Variants in NUDT3 observed in about 807,000 individuals in gnomAD.
NUDT3 encodes the protein nudix hydrolase 3.
NUDT3 carries 9 observed loss-of-function variants against 23.6 expected under a neutral mutation model. That is an observed-to-expected ratio of 0.38 (90% CI 0.23 to 0.66). The LOEUF (loss-of-function observed/expected upper bound fraction) is 0.66, where lower values mean the gene tolerates loss of function less well. Ranked by LOEUF, NUDT3 falls within the 30% of genes least tolerant of loss-of-function variation. The probability of loss-of-function intolerance (pLI) is 0.52; values close to 1 mark genes in which losing one functional copy is unlikely to be tolerated. For missense variants in NUDT3, 172 were observed against 218.5 expected (o/e 0.79, Z 1.34); for synonymous variants, 86 against 82.6 (o/e 1.04, Z -0.22).
At chr6:34,349,147 T>G (rs2113741191) in intron 1 of NUDT3, among the ~76,000 whole-genome samples, 1 of 152,326 alleles carries the variant, frequency 6.6e-6, no homozygotes, top group South Asian at 2.1e-4. Context: ...GGGATCCTCC[T>G]GAGTTGGCCT....
chr6:34,290,385 A>ACAC (rs1454194795), intron 4 of NUDT3, among the ~76,000 whole-genome samples: 1 of 143,394 alleles, frequency 7.0e-6, no homozygotes, highest in African/African-American at 2.6e-5. Flanking sequence ...AGCACGTGCC[A>ACAC]CACCTGCTGC....
chr6:34,317,162 G>C (rs1763874228), intron 2 of NUDT3, among the ~76,000 whole-genome samples: 3 of 152,168 alleles, frequency 2.0e-5, no homozygotes, highest in Admixed American at 2.0e-4. Context: ...TACTGAGATG[G>C]GGAAGACTGC....
chr6:34,288,663 C>CTTA lies in NUDT3; in HGVS notation c.*89_*90insTAA. ...CCATGCCTTATTTGAAAGAGGAGGC[C>CTTA]TGTGAGAAGTGGAAAGAGCCAGGGT... On this transcript the variant is annotated 3_prime_UTR_variant, in exon 5 of 5. Transcript: ENST00000607016. The CTTA allele has an allele frequency of 1.3e-6, 2 of 1,491,624 alleles. No individual in the cohort carries two copies. The highest frequency in any genetic ancestry group is 1.8e-6 in the Non-Finnish European group (2 of 1,115,200). 92.4% of individuals were successfully genotyped at this position (1,491,624 alleles called of 1,614,324 possible).
intron 2 of NUDT3, among the ~76,000 whole-genome samples, chr6:34,307,758 G>A (rs1277303738): frequency 1.3e-5 from 2 of 152,124 alleles, no homozygotes; most frequent in African/African-American, 4.8e-5. Flanking sequence ...GCAATGGACA[G>A]AAAGCTATCA....
At chr6:34,301,314 C>T (rs1021906476) in intron 2 of NUDT3, among the ~76,000 whole-genome samples, 4 of 152,252 alleles carry the variant, frequency 2.6e-5, no homozygotes, top group Admixed American at 6.5e-5. Flanking sequence ...CCATTCTCCA[C>T]CTCTCCCTAC....
Position 34,386,568 on chromosome 6 carries a change from T to A in NUDT3, c.99+5696A>T, listed in dbSNP as rs139071366. 8.0e-3 allele frequency among the ~76,000 whole-genome samples: 1,212 copies of A among 152,076 alleles called. 14 individuals carry two copies. Among genetic ancestry groups the A allele is most frequent in the Middle Eastern group, 0.024 (7 of 294 alleles). On this transcript the variant is annotated intron_variant, in intron 1 of 4. Coordinates refer to ENST00000607016, the MANE Select transcript of NUDT3 (RefSeq NM_006703.4). ...TCTCATTGCTGGTCTATAAATAAAGTTTTCTGGGGCTGGGGAAAAAAAAAA... is the reference window on the plus strand; with the variant it reads ...TCTCATTGCTGGTCTATAAATAAAGATTTCTGGGGCTGGGGAAAAAAAAAA...
chr6:34,305,567 T>G (rs1217374913), intron 2 of NUDT3, among the ~76,000 whole-genome samples: 1 of 152,220 alleles, frequency 6.6e-6, no homozygotes, highest in Non-Finnish European at 1.5e-5. Flanking sequence ...CCTTGTTATT[T>G]CTGTCCCTTT....
chr6:34,299,377 C>T (rs1034562395), intron 2 of NUDT3, among the ~76,000 whole-genome samples: 1 of 152,022 alleles, frequency 6.6e-6, no homozygotes, highest in Non-Finnish European at 1.5e-5. Context: ...ATTCTTTCAC[C>T]CTTTTCTAGT....
In NUDT3 at chr6:34,357,276, T is replaced by A. The variant is rs558985746; in HGVS notation, c.100-15304A>T. Among the ~76,000 whole-genome samples, 11 of 152,236 alleles carry A rather than the reference T, an allele frequency of 7.2e-5. No individual in the cohort carries two copies. The East Asian group carries it at 2.1e-3, about 29-fold the overall frequency. ...CTGAGGAGTACATGGGGGTTCACTA[T>A]ACTATTCAGTCCACTTTGGGAGAGG... On this transcript the variant is annotated intron_variant, in intron 1 of 4. Transcript: ENST00000607016.
At chr6:34,373,884 T>A (rs1002816396) in intron 1 of NUDT3, among the ~76,000 whole-genome samples, 12 of 152,168 alleles carry the variant, frequency 7.9e-5, no homozygotes, top group African/African-American at 2.2e-4. Flanking sequence ...CTGGGCGCAG[T>A]GGCTCATGCC....
At chr6:34,289,760 A>G (rs1763390863) in intron 4 of NUDT3, among the ~76,000 whole-genome samples, 1 of 152,226 alleles carries the variant, frequency 6.6e-6, no homozygotes, top group African/African-American at 2.4e-5. Context: ...ACTCTTTTCT[A>G]GTCCATGCTT....
At chr6:34,332,053 A>T (rs1764136626) in intron 2 of NUDT3, among the ~76,000 whole-genome samples, 2 of 151,762 alleles carry the variant, frequency 1.3e-5, no homozygotes, top group Admixed American at 6.6e-5. Flanking sequence ...TTTTTTTAAA[A>T]TTTTTTGTTT....
At chr6:34,312,482 C>G (rs1763789181) in intron 2 of NUDT3, among the ~76,000 whole-genome samples, 1 of 152,014 alleles carries the variant, frequency 6.6e-6, no homozygotes, top group Admixed American at 6.6e-5. Context: ...AACAGGAACT[C>G]TTATTTGCTC....
chr6:34,311,383 A>G (rs1275902365), intron 2 of NUDT3, among the ~76,000 whole-genome samples: 2 of 152,208 alleles, frequency 1.3e-5, no homozygotes, highest in East Asian at 3.8e-4. Flanking sequence ...TAAAACACAC[A>G]TGTACAAGAT....
intron 1 of NUDT3, among the ~76,000 whole-genome samples, chr6:34,371,714 A>C (rs762877683): frequency 6.6e-6 from 1 of 152,206 alleles, no homozygotes; most frequent in Non-Finnish European, 1.5e-5. Context: ...TAATTCTTTA[A>C]GATGGTTGGC....
rs1764643269 is a variant in NUDT3, at chr6:34,361,042, G to A, written c.100-19070C>T. On this transcript the variant is annotated intron_variant, in intron 1 of 4. Transcript: ENST00000607016. ...GTTTGACATCACTCTGGGCAACATA[G>A]CAAGACCCCATTTCTATAAAAAATT... is the stretch of plus-strand genomic sequence containing the variant. Among the ~76,000 whole-genome samples the A allele has an allele frequency of 2.6e-5, 4 of 152,020 alleles. No homozygotes were observed. In the South Asian group the frequency reaches 8.3e-4, roughly 32 times the overall value.
chr6:34,351,061 C>T (rs1246610275), intron 1 of NUDT3, among the ~76,000 whole-genome samples: 2 of 148,664 alleles, frequency 1.3e-5, no homozygotes, highest in Admixed American at 6.7e-5. Context: ...AAAAAGAACA[C>T]TTTGGTGGCC....
At chr6:34,323,752 C>T (rs1037904237) in intron 2 of NUDT3, among the ~76,000 whole-genome samples, 2 of 152,040 alleles carry the variant, frequency 1.3e-5, no homozygotes, top group African/African-American at 4.8e-5. Flanking sequence ...AAAGATAAAG[C>T]GAGTACGCAA....
intron 1 of NUDT3, among the ~76,000 whole-genome samples, chr6:34,373,669 C>A (rs1581897519): frequency 6.6e-6 from 1 of 152,184 alleles, no homozygotes; most frequent in Non-Finnish European, 1.5e-5. Flanking sequence ...ATGTTTCTGA[C>A]AAATTCAGCT....
Sources: gnomAD v4.1 joint callset for allele counts (sites outside exome capture counted in the v4.1 genomes callset) on GRCh38, gnomAD v4.1.1 for gene constraint, MANE v1.5 for transcripts, NCBI Gene and HGNC (gene_info 2026-07-23, HGNC 2026-07-21) for gene names.